Variants in AK9 observed in about 807,000 individuals in gnomAD.
AK9 encodes adenylate kinase domain containing 1.
AK9 carries 191 observed loss-of-function variants against 239.6 expected under a neutral mutation model. That is an observed-to-expected ratio of 0.80 (90% CI 0.71 to 0.90). The LOEUF is 0.90. AK9 is among the 40% of genes least tolerant of loss of function. The probability of loss-of-function intolerance (pLI) is 0.00; values close to 1 mark genes in which losing one functional copy is unlikely to be tolerated. For synonymous variants in AK9, 689 were observed against 721.0 expected (o/e 0.96, Z 0.71); for missense variants, 1,995 against 2,214.7 (o/e 0.90, Z 1.99).
At chr6:109,624,146 T>A (rs1795229899) in intron 12 of AK9, among the ~76,000 whole-genome samples, 1 of 151,888 alleles carries the variant, frequency 6.6e-6, no homozygotes, top group African/African-American at 2.4e-5. Context: ...TGAAAATACA[T>A]CAGGTAATCA....
At chr6:109,647,272 C>T (rs1798194836) in intron 8 of AK9, among the ~76,000 whole-genome samples, 1 of 152,110 alleles carries the variant, frequency 6.6e-6, no homozygotes, top group South Asian at 2.1e-4. Flanking sequence ...CTAAATGCTC[C>T]AATTAAAAGA....
chr6:109,556,277 A>G (rs1369252883), intron 24 of AK9, among the ~76,000 whole-genome samples: 1 of 152,142 alleles, frequency 6.6e-6, no homozygotes, highest in Non-Finnish European at 1.5e-5. Context: ...TATGAAGCTT[A>G]GTTTGGCTGG....
At chr6:109,674,050 A>G (rs1771332312) in intron 3 of AK9, 148 bp downstream of exon 3, 2 of 442,396 alleles carry the variant, frequency 4.5e-6, no homozygotes, top group Non-Finnish European at 7.7e-6. Flanking sequence ...TGATAGGTGG[A>G]CAAATGTGTG....
At chr6:109,577,346 A>G (rs191292350) in intron 20 of AK9, among the ~76,000 whole-genome samples, 96 of 152,102 alleles carry the variant, frequency 6.3e-4, no homozygotes, top group Non-Finnish European at 9.4e-4. Context: ...AACCCATTTG[A>G]TCATGGTGTA....
intron 9 of AK9, among the ~76,000 whole-genome samples, chr6:109,643,152 G>A (rs879338989): frequency 6.6e-6 from 1 of 152,160 alleles, no homozygotes; most frequent in African/African-American, 2.4e-5. Flanking sequence ...GTGATCTGTT[G>A]TGTCAAATGC....
intron 29 of AK9, chr6:109,528,456 C>A (rs911838375): frequency 4.8e-6 from 2 of 420,174 alleles, no homozygotes; most frequent in Non-Finnish European, 9.6e-6. Flanking sequence ...GAATGAAAAT[C>A]GAGGCAAATA....
chr6:109,534,352 A>G (rs996778467), intron 27 of AK9, among the ~76,000 whole-genome samples: 1 of 150,120 alleles, frequency 6.7e-6, no homozygotes, highest in African/African-American at 2.4e-5. Context: ...AAAACAACCA[A>G]GCTTTGAAAA....
chr6:109,507,894 C>T (rs1325686125), intron 33 of AK9, among the ~76,000 whole-genome samples: 2 of 152,224 alleles, frequency 1.3e-5, no homozygotes, highest in Non-Finnish European at 2.9e-5. Flanking sequence ...CACTCATAGA[C>T]TGCTAAGTGT....
chr6:109,653,219 G>A (rs1382905182), intron 8 of AK9, among the ~76,000 whole-genome samples: 1 of 151,988 alleles, frequency 6.6e-6, no homozygotes, highest in Admixed American at 6.6e-5. Context: ...GAGACAACAC[G>A]CCTGGCAAAA....
chr6:109,577,614 C>T (rs1353810185), intron 20 of AK9, among the ~76,000 whole-genome samples: 1 of 151,912 alleles, frequency 6.6e-6, no homozygotes, highest in East Asian at 1.9e-4. Context: ...TGGTCCTGGA[C>T]CTTTTCTTGT....
intron 29 of AK9, among the ~76,000 whole-genome samples, chr6:109,520,654 T>C (rs1011348095): frequency 1.3e-5 from 2 of 152,134 alleles, no homozygotes; most frequent in Non-Finnish European, 2.9e-5. Flanking sequence ...AAGGATGTTA[T>C]TGGTAGTTTG....
intron 8 of AK9, among the ~76,000 whole-genome samples, chr6:109,652,680 T>C (rs1174208681): frequency 6.6e-6 from 1 of 152,226 alleles, no homozygotes; most frequent in Non-Finnish European, 1.5e-5. Flanking sequence ...AATTACTTTC[T>C]TCTTTAATAA....
chr6:109,677,603 T>C (rs1771947652), intron 1 of AK9, among the ~76,000 whole-genome samples: 1 of 152,130 alleles, frequency 6.6e-6, no homozygotes. Context: ...GCCTAAAATA[T>C]GATAAAGGAG....
intron 6 of AK9, 140 bp from the exon 7 acceptor site, chr6:109,659,553 T>C (rs1800153018): frequency 8.0e-6 from 9 of 1,131,048 alleles, no homozygotes; most frequent in South Asian, 3.7e-5. Context: ...GTGACTGGCA[T>C]TTTGCATCAG....
At chr6:109,628,077 G>A (rs996209942) in intron 12 of AK9, among the ~76,000 whole-genome samples, 3 of 152,060 alleles carry the variant, frequency 2.0e-5, no homozygotes, top group African/African-American at 7.3e-5. Flanking sequence ...GGTAAGGGAG[G>A]GTGTAGAGTA....
chr6:109,516,213 A>C, intron 30 of AK9, 138 bp from the exon 31 acceptor site: 1 of 929,822 alleles, frequency 1.1e-6, no homozygotes, highest in South Asian at 1.8e-5. Context: ...AAGTGGCTGC[A>C]TGTTGGTGAC....
intron 5 of AK9, among the ~76,000 whole-genome samples, chr6:109,667,444 G>A (rs1425134334): frequency 3.3e-5 from 5 of 151,676 alleles, no homozygotes; most frequent in African/African-American, 9.7e-5. Flanking sequence ...GGGTACATGT[G>A]CACAATGTGC....
At chr6:109,519,901 T>C (rs1430081807) in intron 29 of AK9, among the ~76,000 whole-genome samples, 1 of 151,856 alleles carries the variant, frequency 6.6e-6, no homozygotes, top group African/African-American at 2.4e-5. Context: ...GTATGTCTTC[T>C]TTTGAAAAGT....
chr6:109,678,935 T>C (rs970176560), intron 1 of AK9, among the ~76,000 whole-genome samples: 4 of 152,174 alleles, frequency 2.6e-5, no homozygotes, highest in Admixed American at 2.0e-4. Flanking sequence ...CCAGATACTA[T>C]GCTTTTCTCA....
Sources: gnomAD v4.1 joint callset for allele counts (sites outside exome capture counted in the v4.1 genomes callset) on GRCh38, gnomAD v4.1.1 for gene constraint, MANE v1.5 for transcripts, NCBI Gene and HGNC (gene_info 2026-07-23, HGNC 2026-07-21) for gene names.